Variants in KALRN observed in about 807,000 individuals in gnomAD.
The protein encoded by KALRN is kalirin RhoGEF kinase, also known as kalirin.
KALRN carries 70 observed loss-of-function variants against 353.7 expected under a neutral mutation model. The observed-to-expected ratio is 0.20, with a 90% CI of 0.16 to 0.24. The LOEUF is 0.24. KALRN is among the 10% of genes least tolerant of loss of function. The probability of loss-of-function intolerance (pLI) is 1.00; values close to 1 mark genes in which losing one functional copy is unlikely to be tolerated. For synonymous variants in KALRN, 1,391 were observed against 1,434.8 expected (o/e 0.97, Z 0.69); for missense variants, 2,791 against 3,756.7 (o/e 0.74, Z 6.72).
At chr3:124,086,354 T>TGTGTGTG (rs71270416) in intron 1 of KALRN, among the ~76,000 whole-genome samples, 3 of 149,460 alleles carry the variant, frequency 2.0e-5, no homozygotes, top group Non-Finnish European at 3.0e-5. Flanking sequence ...TGTGTGTGTG[T>TGTGTGTG]TTTTGCTGGG....
chr3:124,069,249 A>C (rs550848856), intron 1 of KALRN, among the ~76,000 whole-genome samples: 14 of 148,502 alleles, frequency 9.4e-5, no homozygotes, highest in Non-Finnish European at 2.1e-4. Flanking sequence ...CTATTTGTCT[A>C]TTTCTGTAGT....
intron 1 of KALRN, among the ~76,000 whole-genome samples, chr3:124,153,874 A>G (rs1301661581): frequency 6.6e-6 from 1 of 151,930 alleles, no homozygotes; most frequent in Non-Finnish European, 1.5e-5. Context: ...GCCAGTGATG[A>G]TGAGCATTTT....
At chr3:124,581,214 T>C (rs1372903930) in intron 34 of KALRN, among the ~76,000 whole-genome samples, 1 of 151,884 alleles carries the variant, frequency 6.6e-6, no homozygotes, top group Non-Finnish European at 1.5e-5. Flanking sequence ...AGAGGCTGGG[T>C]ATGGTGGCTC....
chr3:124,393,486 T>C (rs907944040), intron 11 of KALRN, among the ~76,000 whole-genome samples: 1 of 152,232 alleles, frequency 6.6e-6, no homozygotes, highest in Non-Finnish European at 1.5e-5. Context: ...CCAGCTTATA[T>C]GGTCTGGAAA....
Position 124,655,631 on chromosome 3 carries a change from G to C in KALRN, c.5826G>C (p.Glu1942Asp). Reference sequence around the variant, plus strand: ...TCCTGAATGAGCTGGTACAGACAGAGAAAGACTATGTCAAGGATCTGGGCA... The same window carrying C: ...TCCTGAATGAGCTGGTACAGACAGACAAAGACTATGTCAAGGATCTGGGCA... Reference protein sequence around the residue: ...MFVLNELVQTEKDYVKDLGIV... With the variant: ...MFVLNELVQTDKDYVKDLGIV... Residue 1942 changes from glutamate to aspartate, a missense_variant, in exon 39 of 60, where the codon GAG (glutamate) becomes GAC (aspartate). Transcript: ENST00000682506. The C allele has an allele frequency of 6.2e-7, 1 of 1,614,122 alleles. No individual in the cohort carries two copies. Among genetic ancestry groups the C allele is most frequent in the Admixed American group, 1.7e-5 (1 of 60,032 alleles).
At chr3:124,518,313 C>T in intron 33 of KALRN, 1 of 1,155,890 alleles carries the variant, frequency 8.7e-7, no homozygotes, top group Non-Finnish European at 1.3e-6. Context: ...GATGATTTAA[C>T]TCTGTTTTCT....
At chr3:124,303,891 G>A (rs903114437) in intron 6 of KALRN, among the ~76,000 whole-genome samples, 2 of 152,198 alleles carry the variant, frequency 1.3e-5, no homozygotes, top group Admixed American at 6.5e-5. Flanking sequence ...TGTTTTGAGG[G>A]AAGGTTACAA....
chr3:124,619,343 G>C (rs957295652), intron 34 of KALRN, among the ~76,000 whole-genome samples: 8 of 152,014 alleles, frequency 5.3e-5, no homozygotes, highest in Non-Finnish European at 1.2e-4. Context: ...GATGGTTGCT[G>C]TATCTTGGTT....
chr3:124,585,540 G>A (rs1057420064), intron 34 of KALRN, among the ~76,000 whole-genome samples: 6 of 152,066 alleles, frequency 3.9e-5, no homozygotes, highest in Non-Finnish European at 8.8e-5. Context: ...TCTTAACGTC[G>A]TGGAAGAGAC....
At chr3:124,062,065 T>TA (rs1311035155) in intron 1 of KALRN, among the ~76,000 whole-genome samples, 4 of 152,126 alleles carry the variant, frequency 2.6e-5, no homozygotes, top group South Asian at 2.1e-4. Flanking sequence ...ATCTGCATAT[T>TA]AAAAAAAGCC....
intron 34 of KALRN, among the ~76,000 whole-genome samples, chr3:124,577,285 A>C (rs894422113): frequency 6.6e-6 from 1 of 152,002 alleles, no homozygotes; most frequent in African/African-American, 2.4e-5. Context: ...AGCTAGAAAG[A>C]GGCAAACAGG....
At chr3:124,306,501 A>G (rs1013181779) in intron 6 of KALRN, among the ~76,000 whole-genome samples, 2 of 152,222 alleles carry the variant, frequency 1.3e-5, no homozygotes, top group African/African-American at 4.8e-5. Flanking sequence ...ATGAGACACC[A>G]TTAAGTGCAC....
intron 34 of KALRN, among the ~76,000 whole-genome samples, chr3:124,603,656 C>T (rs1458075143): frequency 6.6e-6 from 1 of 152,224 alleles, no homozygotes; most frequent in East Asian, 1.9e-4. Context: ...AGCATCTCTC[C>T]CCACAACTCT....
At chr3:124,121,344 T>G (rs144246590) in intron 1 of KALRN, among the ~76,000 whole-genome samples, 1 of 152,162 alleles carries the variant, frequency 6.6e-6, no homozygotes, top group African/African-American at 2.4e-5. Flanking sequence ...TAAAGAAATA[T>G]TGAATGAATA....
chr3:124,392,603 C>CTTTTTT (rs1379585928), intron 11 of KALRN, among the ~76,000 whole-genome samples: 1 of 90,626 alleles, frequency 1.1e-5, no homozygotes, highest in Admixed American at 1.1e-4. Context: ...ATTTTCTTTT[C>CTTTTTT]TTTCTTTCTT....
chr3:124,088,480 T>G (rs1370296874), intron 1 of KALRN, among the ~76,000 whole-genome samples: 7 of 152,166 alleles, frequency 4.6e-5, no homozygotes. Flanking sequence ...AGTAGTGACT[T>G]GACTTTAACT....
At chr3:124,294,068 G>T (rs932772287) in intron 5 of KALRN, among the ~76,000 whole-genome samples, 3 of 152,034 alleles carry the variant, frequency 2.0e-5, no homozygotes, top group Non-Finnish European at 2.9e-5. Context: ...GGTAGAGAAG[G>T]AGGAGCAGGC....
At chr3:124,112,284 C>G (rs1184453934) in intron 1 of KALRN, among the ~76,000 whole-genome samples, 1 of 128,536 alleles carries the variant, frequency 7.8e-6, no homozygotes, top group Non-Finnish European at 1.6e-5. Context: ...GCCTGGGCTA[C>G]AGAGTGAGAC....
intron 1 of KALRN, among the ~76,000 whole-genome samples, chr3:124,122,489 G>T (rs952598567): frequency 7.2e-5 from 11 of 152,166 alleles, no homozygotes; most frequent in Non-Finnish European, 1.5e-4. Flanking sequence ...ACCCTGCATT[G>T]AGCAAGTCTA....
Sources: gnomAD v4.1 joint callset for allele counts (sites outside exome capture counted in the v4.1 genomes callset) on GRCh38, gnomAD v4.1.1 for gene constraint, MANE v1.5 for transcripts, NCBI Gene and HGNC (gene_info 2026-07-23, HGNC 2026-07-21) for gene names.